The following KCNH8 variants were observed in gnomAD, a reference collection of about 807,000 sequenced individuals.
The protein encoded by KCNH8 is voltage-gated delayed rectifier potassium channel KCNH8.
Under a neutral mutation model 103.6 loss-of-function variants are expected in KCNH8, and 70 were observed. The ratio of observed to expected loss-of-function variants is 0.68; its 90% CI spans 0.56 to 0.82. The LOEUF is 0.82. Ranked by LOEUF, KCNH8 falls within the 40% of genes least tolerant of loss-of-function variation. The pLI is 0.00. For synonymous variants in KCNH8, 498 were observed against 489.4 expected, an observed-to-expected ratio of 1.02 and a Z score of -0.23; for missense variants, 1,217 against 1,329.9, an observed-to-expected ratio of 0.92 and a Z score of 1.32.
chr3:19,168,919 C>G (rs2063311254), intron 1 of KCNH8, among the ~76,000 whole-genome samples: 1 of 152,126 alleles, frequency 6.6e-6, no homozygotes, highest in African/African-American at 2.4e-5. Flanking sequence ...CTTCAGCACT[C>G]TTAGGGGCCT....
At chr3:19,150,251 C>T (rs1233884984) in intron 1 of KCNH8, among the ~76,000 whole-genome samples, 5 of 152,150 alleles carry the variant, frequency 3.3e-5, no homozygotes. Flanking sequence ...CACTGAAGCG[C>T]CACACAAAAT....
chr3:19,451,095 A>AT, intron 9 of KCNH8, 60 bp from the exon 10 acceptor site: 1 of 1,561,820 alleles, frequency 6.4e-7, no homozygotes, highest in Non-Finnish European at 8.8e-7. Flanking sequence ...TGTCTTGCAA[A>AT]GTAAATCAGT....
At chr3:19,300,666 A>C (rs1380025820) in intron 3 of KCNH8, among the ~76,000 whole-genome samples, 1 of 152,154 alleles carries the variant, frequency 6.6e-6, no homozygotes, top group African/African-American at 2.4e-5. Flanking sequence ...TAAATAAGTT[A>C]TATATCCCAA....
At chr3:19,340,825 C>G (rs908444980) in intron 3 of KCNH8, among the ~76,000 whole-genome samples, 1 of 152,142 alleles carries the variant, frequency 6.6e-6, no homozygotes, top group South Asian at 2.1e-4. Flanking sequence ...AGGTCTGCAG[C>G]AAACTCAGTG....
At chr3:19,374,002 A>G (rs1007299285) in intron 5 of KCNH8, among the ~76,000 whole-genome samples, 3 of 152,014 alleles carry the variant, frequency 2.0e-5, no homozygotes, top group Admixed American at 1.3e-4. Context: ...GTTCTTTTAC[A>G]TTTGCTGAGG....
At chr3:19,522,754 A>G (rs1421393342) in intron 15 of KCNH8, among the ~76,000 whole-genome samples, 2 of 151,798 alleles carry the variant, frequency 1.3e-5, no homozygotes. Flanking sequence ...AACTGCTTTG[A>G]TGGGAATAAT....
intron 11 of KCNH8, among the ~76,000 whole-genome samples, chr3:19,499,804 A>G (rs1200239254): frequency 1.3e-5 from 2 of 152,234 alleles, no homozygotes; most frequent in Non-Finnish European, 2.9e-5. Flanking sequence ...AAACATGGAA[A>G]GAAACAACCG....
intron 3 of KCNH8, among the ~76,000 whole-genome samples, chr3:19,285,980 A>G (rs900332143): frequency 6.6e-6 from 1 of 152,238 alleles, no homozygotes; most frequent in Non-Finnish European, 1.5e-5. Context: ...GTGAAAGATG[A>G]TTTGTGTGTG....
chr3:19,534,264 A>G lies in KCNH8; in HGVS notation c.*165A>G. 1.7e-6 allele frequency: 1 copy of G among 605,532 alleles called. No individual in the cohort carries two copies. The highest frequency in any genetic ancestry group is 2.9e-6 in the Non-Finnish European group (1 of 342,644). 37.5% of individuals were successfully genotyped at this position (605,532 alleles called of 1,614,324 possible). ...GGCAGAACCACCTCCATGCTGTAGC[A>G]AACAATTTCTAGATACTAGAAGCAT... On this transcript the variant is annotated 3_prime_UTR_variant, in exon 16 of 16. Coordinates refer to ENST00000328405, the MANE Select transcript of KCNH8 (RefSeq NM_144633.3).
chr3:19,236,213 T>C (rs1431643927), intron 1 of KCNH8, among the ~76,000 whole-genome samples: 1 of 152,200 alleles, frequency 6.6e-6, no homozygotes, highest in Non-Finnish European at 1.5e-5. Flanking sequence ...GTTGTTAGTC[T>C]CTCTTTGAAT....
intron 1 of KCNH8, among the ~76,000 whole-genome samples, chr3:19,229,944 C>T (rs1001551937): frequency 6.6e-6 from 1 of 152,182 alleles, no homozygotes; most frequent in African/African-American, 2.4e-5. Flanking sequence ...CTGATAAAGA[C>T]ATACCTGAGA....
intron 1 of KCNH8, among the ~76,000 whole-genome samples, chr3:19,194,354 T>C (rs2063580734): frequency 6.6e-6 from 1 of 151,860 alleles, no homozygotes; most frequent in South Asian, 2.1e-4. Flanking sequence ...AGTAGATATT[T>C]TTCCTTTTTT....
chr3:19,319,530 A>G (rs1434849240), intron 3 of KCNH8, among the ~76,000 whole-genome samples: 1 of 151,884 alleles, frequency 6.6e-6, no homozygotes, highest in Non-Finnish European at 1.5e-5. Flanking sequence ...CTATATGCCT[A>G]TTTTTATATG....
chr3:19,370,359 T>C (rs991395886), intron 5 of KCNH8, among the ~76,000 whole-genome samples: 5 of 152,056 alleles, frequency 3.3e-5, no homozygotes, highest in African/African-American at 9.7e-5. Flanking sequence ...GTTGAGTAAA[T>C]AGTTGAAGGG....
chr3:19,368,841 T>G (rs1429315793), intron 5 of KCNH8, among the ~76,000 whole-genome samples: 1 of 152,038 alleles, frequency 6.6e-6, no homozygotes, highest in East Asian at 1.9e-4. Flanking sequence ...AAATGTGAGA[T>G]GCTGTCTAAT....
intron 1 of KCNH8, among the ~76,000 whole-genome samples, chr3:19,180,718 G>T (rs890217080): frequency 1.3e-5 from 2 of 151,816 alleles, no homozygotes; most frequent in Non-Finnish European, 2.9e-5. Context: ...TGTTTGGTTT[G>T]GTTTGATCTT....
At chr3:19,470,750 G>A (rs1409220363) in intron 11 of KCNH8, among the ~76,000 whole-genome samples, 3 of 152,142 alleles carry the variant, frequency 2.0e-5, no homozygotes, top group Non-Finnish European at 4.4e-5. Context: ...GATAGAAATT[G>A]TATGAATTGT....
At chr3:19,372,421 G>A (rs1320749667) in intron 5 of KCNH8, among the ~76,000 whole-genome samples, 88 of 148,474 alleles carry the variant, frequency 5.9e-4, no homozygotes, top group Middle Eastern at 3.4e-3. Context: ...TTTGTCTGTT[G>A]TTGGTGTATA....
intron 11 of KCNH8, among the ~76,000 whole-genome samples, chr3:19,504,490 CACAA>C (rs1254592689): frequency 6.6e-6 from 1 of 151,920 alleles, no homozygotes; most frequent in Non-Finnish European, 1.5e-5. Context: ...ACAAGCAAAA[CACAA>C]ACAACTCCAC....
Sources: allele counts gnomAD v4.1 joint callset (sites outside exome capture counted in the v4.1 genomes callset), GRCh38; gene constraint gnomAD v4.1.1; transcripts MANE v1.5; gene names NCBI Gene and HGNC (gene_info 2026-07-23, HGNC 2026-07-21).